The following JPH3 variants were observed in gnomAD, a reference collection of about 807,000 sequenced individuals.
The protein encoded by JPH3 is junctophilin-3.
A neutral mutation model predicts 59.6 loss-of-function variants in JPH3; 11 were observed. The observed-to-expected ratio is 0.18, with a 90% CI of 0.12 to 0.31. The LOEUF is 0.31. JPH3 is among the 10% of genes least tolerant of loss of function. The probability of loss-of-function intolerance (pLI) is 1.00; values close to 1 mark genes in which losing one functional copy is unlikely to be tolerated. For missense variants in JPH3, 1,202 were observed against 1,105.7 expected (o/e 1.09, Z -1.24); for synonymous variants, 673 against 483.6 (o/e 1.39, Z -5.14).
At chr16:87,653,831 C>G (rs571430766) in intron 2 of JPH3, 1 of 152,192 alleles carries the variant, frequency 6.6e-6, no homozygotes, top group Non-Finnish European at 1.5e-5. Context: ...ACACAGAATG[C>G]CACGTGGGAC....
Position 87,697,968 on chromosome 16 carries a change from C to G in JPH3, c.*1308C>G, listed in dbSNP as rs1001279340. On this transcript the variant is annotated 3_prime_UTR_variant, in exon 5 of 5. Coordinates refer to ENST00000284262, the MANE Select transcript of JPH3 (RefSeq NM_020655.4). ...CGGCCATACGCAGGACCCCTGTGCC[C>G]GGGGAGGCGCTGCAGGGATTCCCCA... 6.6e-6 allele frequency: 1 copy of G among 152,582 alleles called. No homozygotes were observed. Among genetic ancestry groups the G allele is most frequent in the Non-Finnish European group, 1.5e-5 (1 of 68,062 alleles). 9.5% of individuals were successfully genotyped at this position (152,582 alleles called of 1,614,324 possible). A position where few individuals can be genotyped will look rare whatever the true frequency, so the allele number is the denominator to read the frequency against.
chr16:87,658,643 T>G (rs985069990), intron 2 of JPH3, among the ~76,000 whole-genome samples: 16 of 152,118 alleles, frequency 1.1e-4, no homozygotes, highest in Non-Finnish European at 1.6e-4. Context: ...CCCAGAGGCG[T>G]CCAGGTGACA....
At chr16:87,602,100 G>C (rs542569809), upstream of JPH3, 6 of 152,312 alleles carry the variant, frequency 3.9e-5, no homozygotes, top group East Asian at 1.2e-3. Context: ...GGGCGGGCAG[G>C]GGCGAGGGTA....
intron 2 of JPH3, among the ~76,000 whole-genome samples, chr16:87,660,203 G>C (rs1435253003): frequency 1.3e-5 from 2 of 152,178 alleles, no homozygotes; most frequent in East Asian, 3.8e-4. Flanking sequence ...GTAATACGGA[G>C]AGAACTTTGC....
At position 87,616,452 on chromosome 16, in the gene JPH3, G is replaced by C. The variant is rs1405661221; in HGVS notation, c.382+12924G>C. Among the ~76,000 whole-genome samples, 4 of 149,926 alleles carry C rather than the reference G, an allele frequency of 2.7e-5. No individual in the cohort carries two copies. The East Asian group carries it at 7.9e-4, about 29-fold the overall frequency. ...TTTTTAGTAAAGACAGGGTTTCACC[G>C]TGTTAGCCAGGATGGTCTTGATCTC... On this transcript the variant is annotated intron_variant, in intron 1 of 4. Coordinates refer to ENST00000284262, the MANE Select transcript of JPH3 (RefSeq NM_020655.4).
In JPH3 at chr16:87,614,206, C is replaced by T. The variant is rs2030847402; in HGVS notation, c.382+10678C>T. On this transcript the variant is annotated intron_variant, in intron 1 of 4. Transcript: ENST00000284262. ...CTGCAGATACGAGGAGCCGCGTGTCCCCTCCCAGGATAAAGGCAGGTCCCT... is the reference window on the plus strand; with the variant it reads ...CTGCAGATACGAGGAGCCGCGTGTCTCCTCCCAGGATAAAGGCAGGTCCCT... Among the ~76,000 whole-genome samples the T allele has an allele frequency of 2.0e-5, 3 of 152,218 alleles. No homozygotes were observed. In the Middle Eastern group the frequency reaches 0.01, roughly 518 times the overall value.
intron 4 of JPH3, chr16:87,695,740 T>A (rs1178114232): frequency 2.2e-6 from 1 of 455,876 alleles, no homozygotes; most frequent in Non-Finnish European, 4.4e-6. Context: ...CCCTGCCTGG[T>A]GTGAGCAGAA....
Position 87,675,042 on chromosome 16 carries a change from G to A in JPH3, c.1161-9100G>A, listed in dbSNP as rs560298379. Among the ~76,000 whole-genome samples, 3 of 152,230 alleles carry A rather than the reference G, an allele frequency of 2.0e-5. No individual in the cohort carries two copies. In the East Asian group the frequency reaches 5.8e-4, roughly 29 times the overall value. On this transcript the variant is annotated intron_variant, in intron 2 of 4. Transcript: ENST00000284262. ...CTCCCAAAGTGCTGGGATTACACGT[G>A]TGAGCCACAGCGCCTGGCCAACTTT...
intron 1 of JPH3, among the ~76,000 whole-genome samples, chr16:87,620,113 C>T (rs1418062656): frequency 6.6e-6 from 1 of 152,056 alleles, no homozygotes; most frequent in Non-Finnish European, 1.5e-5. Context: ...CACAGTACTG[C>T]GTGGGAGGGA....
chr16:87,649,876 C>T (rs2032275913), intron 2 of JPH3, among the ~76,000 whole-genome samples: 1 of 152,228 alleles, frequency 6.6e-6, no homozygotes, highest in South Asian at 2.1e-4. Context: ...TCCTGCAGCC[C>T]CGCAAAGCCT....
In JPH3 at chr16:87,693,666, G is replaced by A. The variant is rs1483586786; in HGVS notation, c.2167-2914G>A. ...CACTCCAGCCTGGGCAACAGAGCGA[G>A]ACTCCATCTCAAAAGTTTCTCAAGC... On this transcript the variant is annotated intron_variant, in intron 4 of 4. Transcript: ENST00000284262. 2 of 152,486 alleles carry A rather than the reference G, an allele frequency of 1.3e-5. 1 individual carries two copies. Among genetic ancestry groups the A allele is most frequent in the East Asian group, 3.9e-4 (2 of 5,106 alleles). 9.4% of individuals were successfully genotyped at this position (152,486 alleles called of 1,614,324 possible).
At chr16:87,677,614 G>A (rs1469901571) in intron 2 of JPH3, among the ~76,000 whole-genome samples, 3 of 152,182 alleles carry the variant, frequency 2.0e-5, no homozygotes, top group Non-Finnish European at 2.9e-5. Context: ...AAAGCAGCTG[G>A]TGAACGTGGA....
chr16:87,685,289 C>T (rs1169498336), intron 3 of JPH3, among the ~76,000 whole-genome samples: 2 of 152,232 alleles, frequency 1.3e-5, no homozygotes, highest in Non-Finnish European at 2.9e-5. Context: ...GGAGGACGAG[C>T]CCCCGCACCC....
At chr16:87,633,048 T>C (rs946970003) in intron 1 of JPH3, among the ~76,000 whole-genome samples, 2 of 152,280 alleles carry the variant, frequency 1.3e-5, no homozygotes, top group African/African-American at 4.8e-5. Flanking sequence ...TTTTACTTCA[T>C]TATTTATATA....
intron 1 of JPH3, among the ~76,000 whole-genome samples, chr16:87,639,624 C>T (rs1292874136): frequency 2.0e-5 from 3 of 148,830 alleles, no homozygotes; most frequent in African/African-American, 5.0e-5. Flanking sequence ...TCCCTCCTGG[C>T]CTCCCTCCTG....
intron 2 of JPH3, among the ~76,000 whole-genome samples, chr16:87,664,485 C>T (rs1306113721): frequency 2.6e-5 from 4 of 151,726 alleles, no homozygotes; most frequent in African/African-American, 4.8e-5. Flanking sequence ...ATTAGCCGGG[C>T]GTGGTGGCAT....
rs2033533509 is a variant in JPH3 at position 87,690,296 on chromosome 16, G to A, written c.1936G>A (p.Glu646Lys). ...CRGLGDDHRP[E>K]DRGFGVQRLR... ...GGGCTTGGGGGACGACCACCGCCCCGAGGACCGGGGCTTCGGGGTGCAGAG... is the reference window on the plus strand; with the variant it reads ...GGGCTTGGGGGACGACCACCGCCCCAAGGACCGGGGCTTCGGGGTGCAGAG... The change falls in exon 4 of 5, where the codon GAG becomes AAG. Residue 646 changes from glutamate to lysine, a missense_variant. Transcript: ENST00000284262. The A allele has an allele frequency of 2.5e-6, 4 of 1,597,376 alleles. No homozygotes were observed. The highest frequency in any genetic ancestry group is 3.4e-6 in the Non-Finnish European group (4 of 1,172,508).
chr16:87,634,212 C>A (rs2031658222), intron 1 of JPH3, among the ~76,000 whole-genome samples: 2 of 152,110 alleles, frequency 1.3e-5, no homozygotes, highest in African/African-American at 4.8e-5. Flanking sequence ...GGACCTGTGC[C>A]CAGGGTCTGG....
intron 1 of JPH3, among the ~76,000 whole-genome samples, chr16:87,609,841 C>T (rs1262614795): frequency 6.6e-6 from 1 of 152,182 alleles, no homozygotes; most frequent in Non-Finnish European, 1.5e-5. Context: ...TTCTACCGCC[C>T]AGGGTTGAGG....
Sources: gnomAD v4.1 joint callset for allele counts (sites outside exome capture counted in the v4.1 genomes callset) on GRCh38, gnomAD v4.1.1 for gene constraint, MANE v1.5 for transcripts, NCBI Gene and HGNC (gene_info 2026-07-23, HGNC 2026-07-21) for gene names.